The following ZNF37A variants were observed in gnomAD, a reference collection of about 807,000 sequenced individuals.
ZNF37A encodes the protein zinc finger protein 37a (KOX 21).
Under a neutral mutation model 12.3 loss-of-function variants are expected in ZNF37A, and 10 were observed. The ratio of observed to expected loss-of-function variants is 0.82; its 90% CI spans 0.50 to 1.38. The LOEUF (loss-of-function observed/expected upper bound fraction) is 1.38, where lower values mean the gene tolerates loss of function less well. Among genes scored for constraint, ZNF37A ranks in the 40% most tolerant of loss-of-function variants. ZNF37A has a pLI of 0.00. For synonymous variants in ZNF37A, 207 were observed against 223.0 expected, an observed-to-expected ratio of 0.93 and a Z score of 0.64; for missense variants, 580 against 651.2, an observed-to-expected ratio of 0.89 and a Z score of 1.19.
intron 6 of ZNF37A, 65 bp downstream of exon 6, chr10:38,114,946 T>C: frequency 6.5e-7 from 1 of 1,530,586 alleles, no homozygotes; most frequent in South Asian, 1.3e-5. Flanking sequence ...AATAGAAACT[T>C]GTGGAACTTT....
intron 7 of ZNF37A, chr10:38,138,241 G>A (rs2070136066): frequency 6.6e-6 from 1 of 152,208 alleles, no homozygotes; most frequent in African/African-American, 2.4e-5. Context: ...ACCTAGGCTT[G>A]TGGCATTCAC....
At chr10:38,112,738 T>TCTCGGTCTCGGTCTCGGTC in intron 5 of ZNF37A, among the ~76,000 whole-genome samples, 1 of 58,914 alleles carries the variant, frequency 1.7e-5, no homozygotes, top group Non-Finnish European at 3.6e-5. Context: ...CCATTTTCTT[T>TCTCGGTCTCGGTCTCGGTC]TCTTTTCTTT....
intron 5 of ZNF37A, among the ~76,000 whole-genome samples, chr10:38,105,006 TC>T (rs1186389107): frequency 6.6e-6 from 1 of 150,468 alleles, no homozygotes; most frequent in Non-Finnish European, 1.5e-5. Flanking sequence ...CAATATTTTT[TC>T]TTTTTTTTTT....
chr10:38,118,450 C>G lies in ZNF37A; in HGVS notation c.1299C>G (p.His433Gln), dbSNP rs1372552919. The change falls in exon 8 of 8, where the codon CAC becomes CAG. Residue 433 changes from histidine (H) to glutamine (Q), a missense_variant. Transcript: ENST00000685332. ...CCCTTACTAAACATCTAAGAACTCA[C>G]ACAGGTGAGAAACCTTATGAATGTA... Reference protein sequence around the residue: ...KSTLTKHLRTHTGEKPYECIQ... With the variant: ...KSTLTKHLRTQTGEKPYECIQ... The G allele has an allele frequency of 1.2e-6, 2 of 1,613,998 alleles. No individual in the cohort carries two copies. The highest frequency in any genetic ancestry group is 1.1e-5 in the South Asian group (1 of 91,086).
chr10:38,118,018 TC>T lies in ZNF37A; in HGVS notation c.868del (p.Gln290ArgfsTer141). On this transcript the variant is annotated frameshift_variant, in exon 8 of 8. Coordinates refer to ENST00000685332, the MANE Select transcript of ZNF37A (RefSeq NM_001324250.3). LOFTEE classifies it low-confidence loss of function (END_TRUNC). ...CCCAGAAGTCAGCCCACACAAGACA[TC>T]AGAGAACACACACAGGGGGAAAACC... ...FTQKSAHTRH[Q>X]RTHTGGKPYE... is the part of the protein sequence containing the mutation. 1 of 1,614,002 alleles carries T rather than the reference TC, an allele frequency of 6.2e-7. No homozygotes were observed. Among genetic ancestry groups the T allele is most frequent in the Non-Finnish European group, 8.5e-7 (1 of 1,179,996 alleles).
At chr10:38,140,708 G>T (rs1055975549) in intron 7 of ZNF37A, 1 of 152,158 alleles carries the variant, frequency 6.6e-6, no homozygotes, top group Non-Finnish European at 1.5e-5. Flanking sequence ...ATAAATCTTG[G>T]TTTCTAAATA....
chr10:38,135,788 C>T (rs1181902667), intron 7 of ZNF37A, among the ~76,000 whole-genome samples: 1 of 152,120 alleles, frequency 6.6e-6, no homozygotes, highest in Non-Finnish European at 1.5e-5. Context: ...GTTTATAAAA[C>T]CATCAAATCT....
exon 8 of ZNF37A, chr10:38,149,168 A>G (rs2136089935): frequency 1.3e-5 from 2 of 152,300 alleles, no homozygotes; most frequent in Middle Eastern, 6.8e-3. Context: ...ACACAAAATG[A>G]TAGCTTAACC....
chr10:38,128,871 A>T (rs994008644), downstream of ZNF37A, among the ~76,000 whole-genome samples: 5 of 152,142 alleles, frequency 3.3e-5, no homozygotes, highest in Non-Finnish European at 7.4e-5. Flanking sequence ...CTCCTGCCTC[A>T]GCCTCCTGAG....
At chr10:38,116,902 A>C (rs565653830) in intron 7 of ZNF37A, among the ~76,000 whole-genome samples, 5 of 152,328 alleles carry the variant, frequency 3.3e-5, no homozygotes, top group African/African-American at 1.2e-4. Flanking sequence ...TGAGGCTAGG[A>C]GTTCAAGACC....
At position 38,116,221 on chromosome 10, in the gene ZNF37A, G is replaced by T. The variant is rs1455078474; in HGVS notation, c.238+931G>T. 2.6e-5 allele frequency among the ~76,000 whole-genome samples: 4 copies of T among 152,092 alleles called. No homozygotes were observed. The East Asian group carries it at 7.7e-4, about 29-fold the overall frequency. The stretch of plus-strand genomic sequence containing the variant: ...TACCATTGATTTAAATATCTATATA[G>T]GGCACTGAGAGAAAATCATAGGTAA... On this transcript the variant is annotated intron_variant, in intron 7 of 7. Transcript: ENST00000685332.
chr10:38,118,758 C>A lies in ZNF37A; in HGVS notation c.1607C>A (p.Ser536Ter). 1 of 1,613,018 alleles carries A rather than the reference C, an allele frequency of 6.2e-7. No individual in the cohort carries two copies. Residue 536 changes from serine to a stop codon, truncating the protein, a stop_gained, in exon 8 of 8, where the codon TCA (serine) becomes TAA (stop). Coordinates refer to ENST00000685332, the MANE Select transcript of ZNF37A (RefSeq NM_001324250.3). LOFTEE classifies it low-confidence loss of function (END_TRUNC). ...TGTGGAAAATCATTCTATGTTAAGTCAAAACTAACTGTACATCAGAGAATA... is the reference window on the plus strand; with the variant it reads ...TGTGGAAAATCATTCTATGTTAAGTAAAAACTAACTGTACATCAGAGAATA... ...NVCGKSFYVK[S>*]KLTVHQRIHL...
chr10:38,118,704 C>T lies in ZNF37A; in HGVS notation c.1553C>T (p.Thr518Ile). Residue 518 changes from threonine (T) to isoleucine (I), a missense_variant, in exon 8 of 8, where the codon ACA becomes ATA. Thr to Ile is a moderately conservative substitution (Grantham distance 89). Coordinates refer to ENST00000685332, the MANE Select transcript of ZNF37A (RefSeq NM_001324250.3). ...SKLIAHHRTHTGEKPYECNVC... is the reference protein window; with the variant it reads ...SKLIAHHRTHIGEKPYECNVC... The stretch of plus-strand genomic sequence containing the variant: ...CTCATTGCACATCATAGAACACACA[C>T]AGGGGAGAAACCCTATGAATGTAAT... The T allele has an allele frequency of 6.2e-7, 1 of 1,613,934 alleles. No individual in the cohort carries two copies.
Position 38,094,407 on chromosome 10 carries a change from T to G in ZNF37A, c.-575T>G, listed in dbSNP as rs1221595223. The G allele has an allele frequency of 6.6e-6, 1 of 152,176 alleles. No individual in the cohort carries two copies. The allele number at this position is 152,176 out of a possible 1,614,324, so 9.4% of individuals were successfully genotyped here. On this transcript the variant is annotated 5_prime_UTR_variant, in exon 1 of 8. The change abolishes an upstream ATG in the 5' untranslated region. Coordinates refer to ENST00000685332, the MANE Select transcript of ZNF37A (RefSeq NM_001324250.3). Reference sequence around the variant, plus strand: ...GGGCCTTCTGGGCATGTCTGCCATATGGCTCCAGGTTTGTTTTTCTCCCCG... The same window carrying G: ...GGGCCTTCTGGGCATGTCTGCCATAGGGCTCCAGGTTTGTTTTTCTCCCCG...
At chr10:38,142,480 T>C (rs552813259) in intron 7 of ZNF37A, 1 of 152,264 alleles carries the variant, frequency 6.6e-6, no homozygotes, top group African/African-American at 2.4e-5. Context: ...GAACTTCTCA[T>C]TGTTCTCTAC....
chr10:38,108,544 A>G (rs1273332425), intron 5 of ZNF37A, among the ~76,000 whole-genome samples: 1 of 152,218 alleles, frequency 6.6e-6, no homozygotes, highest in Non-Finnish European at 1.5e-5. Flanking sequence ...AAATCAATGA[A>G]TCCAGGAGCT....
At chr10:38,150,104 G>T (rs1460257996) in exon 8 of ZNF37A, 5 of 152,160 alleles carry the variant, frequency 3.3e-5, no homozygotes, top group African/African-American at 1.2e-4. Flanking sequence ...TGTCTGCCTG[G>T]GGCGTTGCGC....
downstream of ZNF37A, among the ~76,000 whole-genome samples, chr10:38,129,319 A>AAAAAAAAAAAAAAAAAAAAAACAACAAC: frequency 1.5e-4 from 18 of 116,290 alleles, no homozygotes; most frequent in African/African-American, 6.5e-4. Context: ...AAAAAAAAAA[A>AAAAAAAAAAAAAAAAAAAAAACAACAAC]AAACTATTAT....
chr10:38,118,556 T>G lies in ZNF37A; in HGVS notation c.1405T>G (p.Cys469Gly). 1 of 1,606,152 alleles carries G rather than the reference T, an allele frequency of 6.2e-7. No homozygotes were observed. The highest frequency in any genetic ancestry group is 8.5e-7 in the Non-Finnish European group (1 of 1,174,950). ...ACACACAGGGGAGAAACCTTTTGGA[T>G]GTAATGAATGTGGGAAAACCTTCCG... The part of the protein sequence containing the change: ...RRHTGEKPFG[C>G]NECGKTFRQK... Residue 469 changes from cysteine (C) to glycine (G), a missense_variant, in exon 8 of 8, where the codon TGT (cysteine) becomes GGT (glycine). By Grantham distance (159) the Cys-to-Gly change is radical. Transcript: ENST00000685332.
Sources: gnomAD v4.1 joint callset for allele counts (sites outside exome capture counted in the v4.1 genomes callset) on GRCh38, gnomAD v4.1.1 for gene constraint, MANE v1.5 for transcripts, NCBI Gene and HGNC (gene_info 2026-07-23, HGNC 2026-07-21) for gene names.